CFAP20DC: variants seen among roughly 807,000 people sequenced by gnomAD.
CFAP20DC encodes protein CFAP20DC.
A neutral mutation model predicts 101.7 loss-of-function variants in CFAP20DC; 84 were observed. The ratio of observed to expected loss-of-function variants is 0.83; its 90% CI spans 0.69 to 0.99. The LOEUF is 0.99. Ranked by LOEUF, CFAP20DC falls within the 50% of genes least tolerant of loss-of-function variation. The pLI is 0.00. For missense variants in CFAP20DC, 1,007 were observed against 970.3 expected (o/e 1.04, Z -0.50); for synonymous variants, 359 against 351.2 (o/e 1.02, Z -0.25).
In CFAP20DC at chr3:58,808,792, C is replaced by T. The variant is rs532211045; in HGVS notation, c.2176-2336G>A. On this transcript the variant is annotated intron_variant, in intron 14 of 16. Coordinates refer to ENST00000482387, the MANE Select transcript of CFAP20DC (RefSeq NM_001394063.1). ...GGCAAATTGGATAAAGAGTCAAGAC[C>T]CATCAGTGTGCTGTATTCAGGAAAC... is the stretch of plus-strand genomic sequence containing the variant. Among the ~76,000 whole-genome samples, 174 of 152,132 alleles carry T rather than the reference C, an allele frequency of 1.1e-3. 1 individual carries two copies. Among genetic ancestry groups the T allele is most frequent in the African/African-American group, 4.0e-3 (168 of 41,498 alleles).
intron 15 of CFAP20DC, among the ~76,000 whole-genome samples, chr3:58,776,266 T>C (rs1266320078): frequency 1.3e-5 from 2 of 152,124 alleles, no homozygotes; most frequent in Non-Finnish European, 2.9e-5. Context: ...AGCACTGAGA[T>C]TGTTGAGCTA....
chr3:58,989,977 A>T (rs1199277463), intron 4 of CFAP20DC, among the ~76,000 whole-genome samples: 1 of 152,188 alleles, frequency 6.6e-6, no homozygotes, highest in East Asian at 1.9e-4. Flanking sequence ...AAGTATAAAA[A>T]TTATAGTAAA....
At chr3:58,862,523 C>T in intron 12 of CFAP20DC, 1 of 985,432 alleles carries the variant, frequency 1.0e-6, no homozygotes, top group Non-Finnish European at 1.2e-6. Flanking sequence ...AGACGATCCT[C>T]TACGCGCTTT....
At chr3:58,994,825 C>T (rs2093059765) in intron 4 of CFAP20DC, among the ~76,000 whole-genome samples, 1 of 150,736 alleles carries the variant, frequency 6.6e-6, no homozygotes, top group Non-Finnish European at 1.5e-5. Context: ...GGGTAAAGAA[C>T]CAAAAGACTT....
intron 6 of CFAP20DC, among the ~76,000 whole-genome samples, chr3:58,889,358 C>G (rs1002822602): frequency 6.6e-6 from 1 of 152,062 alleles, no homozygotes; most frequent in East Asian, 1.9e-4. Context: ...ACCCAGTGGC[C>G]AATAGGAAAG....
intron 4 of CFAP20DC, among the ~76,000 whole-genome samples, chr3:58,993,128 CCA>C (rs1453182217): frequency 6.6e-6 from 1 of 152,094 alleles, no homozygotes; most frequent in Non-Finnish European, 1.5e-5. Flanking sequence ...ATATCTAACA[CCA>C]CAGAGGAAAA....
chr3:58,803,374 G>A (rs1390560248), intron 15 of CFAP20DC, among the ~76,000 whole-genome samples: 1 of 151,860 alleles, frequency 6.6e-6, no homozygotes, highest in African/African-American at 2.4e-5. Context: ...TATCCAACAG[G>A]GTGGACTTCA....
At chr3:58,849,442 A>G (rs2078023021) in intron 12 of CFAP20DC, 33 bp from the exon 13 acceptor site, 2 of 1,465,810 alleles carry the variant, frequency 1.4e-6, no homozygotes, top group Non-Finnish European at 1.8e-6. Context: ...AATAATTTTG[A>G]GCAGAAATTT....
At chr3:58,748,534 C>T (rs200104818) in intron 16 of CFAP20DC, among the ~76,000 whole-genome samples, 3 of 152,070 alleles carry the variant, frequency 2.0e-5, no homozygotes, top group Non-Finnish European at 4.4e-5. Flanking sequence ...GAGAAGACTC[C>T]CCCAGGACCC....
intron 13 of CFAP20DC, among the ~76,000 whole-genome samples, chr3:58,839,376 G>C (rs1238261960): frequency 1.3e-5 from 2 of 152,160 alleles, no homozygotes; most frequent in African/African-American, 4.8e-5. Context: ...GAATAATAAG[G>C]CCTCTTGTGA....
intron 4 of CFAP20DC, among the ~76,000 whole-genome samples, chr3:59,009,632 C>T (rs1313445499): frequency 1.3e-5 from 2 of 152,106 alleles, no homozygotes; most frequent in Non-Finnish European, 2.9e-5. Flanking sequence ...GAAATATACA[C>T]ATTTGGAGAA....
intron 7 of CFAP20DC, among the ~76,000 whole-genome samples, chr3:58,873,360 C>T (rs1167796657): frequency 6.7e-6 from 1 of 148,750 alleles, no homozygotes; most frequent in African/African-American, 2.5e-5. Context: ...TGCTGTAAGG[C>T]AGCTGTTCAA....
At chr3:58,961,951 G>C (rs964438321) in intron 4 of CFAP20DC, among the ~76,000 whole-genome samples, 1 of 151,884 alleles carries the variant, frequency 6.6e-6, no homozygotes, top group African/African-American at 2.4e-5. Flanking sequence ...TGTAAGTTTT[G>C]TCCATCTTTT....
At chr3:58,980,089 T>C (rs55921510) in intron 4 of CFAP20DC, among the ~76,000 whole-genome samples, 2,730 of 152,292 alleles carry the variant, frequency 0.018, 69 homozygotes, top group African/African-American at 0.061. Context: ...GAAAGCCTGA[T>C]GCATTATCTG....
intron 15 of CFAP20DC, among the ~76,000 whole-genome samples, chr3:58,773,709 A>G (rs1202367514): frequency 6.6e-6 from 1 of 152,246 alleles, no homozygotes; most frequent in Non-Finnish European, 1.5e-5. Context: ...TGACTAAAAC[A>G]AGTAGGTGCT....
intron 4 of CFAP20DC, among the ~76,000 whole-genome samples, chr3:59,012,341 C>A (rs1222784828): frequency 6.6e-6 from 1 of 152,122 alleles, no homozygotes; most frequent in Non-Finnish European, 1.5e-5. Context: ...TACCAAGAGT[C>A]CAGTGGTTTT....
chr3:58,773,321 C>A (rs1474017376), intron 15 of CFAP20DC, among the ~76,000 whole-genome samples: 1 of 149,958 alleles, frequency 6.7e-6, no homozygotes, highest in East Asian at 2.0e-4. Flanking sequence ...GAGGCTGAGG[C>A]TGGGGGATCA....
intron 15 of CFAP20DC, among the ~76,000 whole-genome samples, chr3:58,758,708 C>T (rs1384121973): frequency 6.6e-6 from 1 of 152,074 alleles, no homozygotes. Flanking sequence ...CCACAACAGG[C>T]CCCAGTGTGT....
At position 58,863,302 on chromosome 3, in the gene CFAP20DC, A is replaced by G. The variant is rs1559726728; in HGVS notation, c.1593+256T>C. 1 of 1,412,370 alleles carries G rather than the reference A, an allele frequency of 7.1e-7. No homozygotes were observed. The allele number at this position is 1,412,370 out of a possible 1,614,324, so 87.5% of individuals were successfully genotyped here. On this transcript the variant is annotated intron_variant, in intron 12 of 16. Coordinates refer to ENST00000482387, the MANE Select transcript of CFAP20DC (RefSeq NM_001394063.1). This position sits in a 1 kb window ranked among gnomAD's most constrained non-coding sequence, Gnocchi z 5.9. ...TCTCATCCTGTGATTCAAAGATTAAAATGAAAAAACAGAAAGAAACCCAAA... is the reference window on the plus strand; with the variant it reads ...TCTCATCCTGTGATTCAAAGATTAAGATGAAAAAACAGAAAGAAACCCAAA...
Sources: gnomAD v4.1 joint callset for allele counts (sites outside exome capture counted in the v4.1 genomes callset) on GRCh38, gnomAD v4.1.1 for gene constraint, Gnocchi (gnomAD v3.1) non-coding constraint, MANE v1.5 for transcripts, NCBI Gene and HGNC (gene_info 2026-07-23, HGNC 2026-07-21) for gene names.